Variants in MOCS1 observed in about 807,000 individuals in gnomAD.
The protein encoded by MOCS1 is molybdenum cofactor biosynthesis protein 1.
MOCS1 carries 39 observed loss-of-function variants against 57.6 expected under a neutral mutation model. That is an observed-to-expected ratio of 0.68 (90% confidence interval 0.52 to 0.88). MOCS1 has a LOEUF of 0.88. MOCS1 is among the 40% of genes least tolerant of loss of function. The pLI is 0.00. For synonymous variants in MOCS1, 334 were observed against 335.7 expected (o/e 1.00, Z 0.05); for missense variants, 795 against 831.1 (o/e 0.96, Z 0.53).
chr6:39,927,783 G>A, intron 1 of MOCS1: 1 of 1,417,714 alleles, frequency 7.1e-7, no homozygotes, highest in Non-Finnish European at 9.2e-7. Flanking sequence ...TCTAGCCAGT[G>A]CCAAAAAAAG....
Position 39,906,893 on chromosome 6 carries a change from A to C in MOCS1, c.1375T>G (p.Ser459Ala). Residue 459 changes from serine to alanine, a missense_variant, in exon 11 of 11, where the codon TCA becomes GCA. Physicochemically the swap from Ser to Ala is moderately conservative, Grantham distance 99. Transcript: ENST00000340692. ...YTSRADSDAN[S>A]KCLSPGSWAS... ...CAGGAACCTGGGCTAAGGCACTTTG[A>C]GTTGGCATCTGAGTCTGCACGGGAA... 1 of 1,614,144 alleles carries C rather than the reference A, an allele frequency of 6.2e-7. No homozygotes were observed. The highest frequency in any genetic ancestry group is 8.5e-7 in the Non-Finnish European group (1 of 1,180,018).
chr6:39,916,158 G>A lies in MOCS1; in HGVS notation c.493C>T (p.Pro165Ser). Residue 165 changes from proline to serine, a missense_variant, in exon 4 of 11, where the codon CCC becomes TCC. This residue lies in a region of MOCS1 where 416 missense variants were observed against 392.4 expected (regional missense o/e 1.06). Coordinates refer to ENST00000340692, the MANE Select transcript of MOCS1 (RefSeq NM_001358530.2). ...TNGINLARLL[P>S]QLQKAGLSAI... ...CTGAGACCAGCCTTCTGAAGCTGGG[G>A]CAGTAGCCGGGCCAGGTTGATGCCA... The A allele has an allele frequency of 1.2e-6, 2 of 1,614,050 alleles. No homozygotes were observed. Among genetic ancestry groups the A allele is most frequent in the Non-Finnish European group, 1.7e-6 (2 of 1,180,014 alleles).
Position 39,906,632 on chromosome 6 carries a change from C to T in MOCS1, c.1636G>A (p.Val546Met). 6.2e-7 allele frequency: 1 copy of T among 1,613,882 alleles called. No homozygotes were observed. Among genetic ancestry groups the T allele is most frequent in the Non-Finnish European group, 8.5e-7 (1 of 1,180,040 alleles). Residue 546 changes from valine (V) to methionine (M), a missense_variant, in exon 11 of 11, where the codon GTG becomes ATG. Physicochemically the swap from Val to Met is conservative, Grantham distance 21 (BLOSUM62 1). Coordinates refer to ENST00000340692, the MANE Select transcript of MOCS1 (RefSeq NM_001358530.2). The stretch of plus-strand genomic sequence containing the variant: ...CACAGAGGGATCAGCTGGCTGGTCA[C>T]CTTGGCTGCCTGGACTCCAGCCAGC... Reference protein sequence around the residue: ...AQLAGVQAAKVTSQLIPLCHH... With the variant: ...AQLAGVQAAKMTSQLIPLCHH...
At chr6:39,917,034 G>A (rs547067638) in intron 3 of MOCS1, among the ~76,000 whole-genome samples, 10 of 152,312 alleles carry the variant, frequency 6.6e-5, no homozygotes, top group African/African-American at 2.4e-4. Context: ...GTCGGCACGG[G>A]AAGGCAGCAG....
At chr6:39,908,466 G>A (rs1767091710) in intron 10 of MOCS1, among the ~76,000 whole-genome samples, 1 of 152,160 alleles carries the variant, frequency 6.6e-6, no homozygotes, top group Non-Finnish European at 1.5e-5. Context: ...TTTGTTTGAA[G>A]CATCCTACAC....
intron 3 of MOCS1, among the ~76,000 whole-genome samples, chr6:39,919,215 T>G (rs1370485115): frequency 6.6e-6 from 1 of 152,078 alleles, no homozygotes; most frequent in Non-Finnish European, 1.5e-5. Context: ...CCAGGCACGG[T>G]GGCTGATGGC....
intron 2 of MOCS1, among the ~76,000 whole-genome samples, chr6:39,926,773 A>G (rs1768335971): frequency 1.6e-5 from 2 of 122,438 alleles, no homozygotes; most frequent in South Asian, 3.2e-4. Flanking sequence ...GGGGAGAGGC[A>G]GAAGGAAGGA....
intron 1 of MOCS1, among the ~76,000 whole-genome samples, chr6:39,931,976 C>A (rs1768667038): frequency 1.3e-5 from 2 of 152,166 alleles, no homozygotes; most frequent in Non-Finnish European, 2.9e-5. Flanking sequence ...CCACCCACCT[C>A]CCCATTGACC....
intron 2 of MOCS1, among the ~76,000 whole-genome samples, chr6:39,926,641 T>G (rs1201337129): frequency 7.5e-6 from 1 of 134,178 alleles, no homozygotes; most frequent in Non-Finnish European, 1.6e-5. Flanking sequence ...GTTAAAAAGT[T>G]ACTAAACATA....
chr6:39,931,129 C>T (rs1768620658), intron 1 of MOCS1, among the ~76,000 whole-genome samples: 1 of 151,740 alleles, frequency 6.6e-6, no homozygotes, highest in South Asian at 2.1e-4. Flanking sequence ...ACCACCAATA[C>T]TGGTGTGCAT....
rs1767386833 is a variant in MOCS1 at position 39,912,383 on chromosome 6, G to A, written c.871-9C>T. 5 of 1,595,538 alleles carry A rather than the reference G, an allele frequency of 3.1e-6. No homozygotes were observed. Among genetic ancestry groups the A allele is most frequent in the Non-Finnish European group, 4.3e-6 (5 of 1,163,182 alleles). Reference sequence around the variant, plus strand: ...CCAGGGATTTTAAAGGCCTGGGCAGGGGAGAGTGGGAGCAAAAGGGCAGTG... The same window carrying A: ...CCAGGGATTTTAAAGGCCTGGGCAGAGGAGAGTGGGAGCAAAAGGGCAGTG... On this transcript the variant is annotated splice_polypyrimidine_tract_variant and intron_variant, in intron 7 of 10. Coordinates refer to ENST00000340692, the MANE Select transcript of MOCS1 (RefSeq NM_001358530.2).
Position 39,918,266 on chromosome 6 carries a change from G to A in MOCS1, c.419-2034C>T, listed in dbSNP as rs529685029. Among the ~76,000 whole-genome samples, 12 of 152,322 alleles carry A rather than the reference G, an allele frequency of 7.9e-5. No individual in the cohort carries two copies. The East Asian group carries it at 1.7e-3, about 22-fold the overall frequency. On this transcript the variant is annotated intron_variant, in intron 3 of 10. Transcript: ENST00000340692. ...TGTCTCTATGAAGACCCAGCTCAGC[G>A]CTGCAAGAGAGAGGAAACCAAGAGT...
In MOCS1 at chr6:39,912,918, G is replaced by C; in HGVS notation, c.844C>G (p.Pro282Ala). 6.2e-7 allele frequency: 1 copy of C among 1,614,062 alleles called. No individual in the cohort carries two copies. Among genetic ancestry groups the C allele is most frequent in the Non-Finnish European group, 8.5e-7 (1 of 1,179,972 alleles). The change falls in exon 7 of 11, where the codon CCA (proline) becomes GCA (alanine). Residue 282 changes from proline to alanine, a missense_variant. Pro to Ala is a conservative substitution (Grantham distance 27). Around this residue, in one of 3 missense-constraint regions of MOCS1, gnomAD observed 416 missense variants for 392.4 expected, o/e 1.06. Transcript: ENST00000340692. ...TTGGCTGTGCTGGATTCCTCCTCTG[G>C]CACCTTCTCCAGCTCTGGCCACTGC... is the stretch of plus-strand genomic sequence containing the variant. The part of the protein sequence containing the change: ...RQQWPELEKV[P>A]EEESSTAKAF...
chr6:39,915,218 G>T (rs948716091), intron 4 of MOCS1, among the ~76,000 whole-genome samples: 4 of 152,194 alleles, frequency 2.6e-5, no homozygotes, highest in Admixed American at 6.5e-5. Flanking sequence ...CCTGGAGCAG[G>T]CCTCCATAGA....
rs1434358321 is a variant in MOCS1 at position 39,904,602 on chromosome 6, G to A, written c.*1755C>T. On this transcript the variant is annotated 3_prime_UTR_variant, in exon 11 of 11. Transcript: ENST00000340692. ...GGAAATAAAGTGTTTAGGGCAGTGG[G>A]AGGAGAAAATTCTCCAGGTGAATGG... 2 of 454,148 alleles carry A rather than the reference G, an allele frequency of 4.4e-6. No individual in the cohort carries two copies. Among genetic ancestry groups the A allele is most frequent in the South Asian group, 3.1e-5 (2 of 64,488 alleles). The allele number at this position is 454,148 out of a possible 1,614,324, so 28.1% of individuals were successfully genotyped here. A position where few individuals can be genotyped will look rare whatever the true frequency, so the allele number is the denominator to read the frequency against.
intron 3 of MOCS1, among the ~76,000 whole-genome samples, chr6:39,918,366 G>A (rs1767777993): frequency 6.6e-6 from 1 of 152,250 alleles, no homozygotes; most frequent in South Asian, 2.1e-4. Context: ...AGGTAGGGGT[G>A]CATGGGAATG....
chr6:39,905,338 C>T lies in MOCS1; in HGVS notation c.*1019G>A, dbSNP rs1766807618. 2.2e-6 allele frequency: 1 copy of T among 457,872 alleles called. No homozygotes were observed. Among genetic ancestry groups the T allele is most frequent in the African/African-American group, 2.0e-5 (1 of 50,066 alleles). 28.4% of individuals were successfully genotyped at this position (457,872 alleles called of 1,614,324 possible). ...GTGCATTTCTATGCCCCCTACTCCA[C>T]TTTATTTTCCCATAGCGGGGCTATA... On this transcript the variant is annotated 3_prime_UTR_variant, in exon 11 of 11. Coordinates refer to ENST00000340692, the MANE Select transcript of MOCS1 (RefSeq NM_001358530.2).
chr6:39,922,488 C>A (rs1024303577), intron 3 of MOCS1, among the ~76,000 whole-genome samples: 1 of 152,134 alleles, frequency 6.6e-6, no homozygotes, highest in Admixed American at 6.5e-5. Context: ...TCCACTGTGG[C>A]CCAGGGAAGC....
chr6:39,928,837 G>C (rs1370130702), intron 1 of MOCS1, among the ~76,000 whole-genome samples: 1 of 152,118 alleles, frequency 6.6e-6, no homozygotes, highest in Non-Finnish European at 1.5e-5. Flanking sequence ...AAGAACAGAA[G>C]GTCTCAGGCC....
Sources: gnomAD v4.1 joint callset for allele counts (sites outside exome capture counted in the v4.1 genomes callset) on GRCh38, gnomAD v4.1.1 for gene constraint, gnomAD v4.1.1 regional missense constraint, MANE v1.5 for transcripts, NCBI Gene and HGNC (gene_info 2026-07-23, HGNC 2026-07-21) for gene names.